ZFPM1: variants seen among roughly 807,000 people sequenced by gnomAD.
ZFPM1 encodes the protein zinc finger protein ZFPM1.
ZFPM1 carries 28 observed loss-of-function variants against 46.3 expected under a neutral mutation model. The ratio of observed to expected loss-of-function variants is 0.60; its 90% CI spans 0.45 to 0.83. The LOEUF is 0.83. ZFPM1 is among the 40% of genes least tolerant of loss of function. The probability of loss-of-function intolerance (pLI) is 0.00; values close to 1 mark genes in which losing one functional copy is unlikely to be tolerated. For synonymous variants in ZFPM1, 957 were observed against 675.9 expected (o/e 1.42, Z -6.45); for missense variants, 1,878 against 1,432.4 (o/e 1.31, Z -5.02).
intron 1 of ZFPM1, among the ~76,000 whole-genome samples, chr16:88,483,652 G>C (rs925824350): frequency 3.3e-5 from 5 of 152,202 alleles, no homozygotes; most frequent in Non-Finnish European, 7.3e-5. Flanking sequence ...TTCTCTGACT[G>C]TCCCCACAGT....
intron 3 of ZFPM1, among the ~76,000 whole-genome samples, chr16:88,509,059 C>T (rs1206563827): frequency 3.9e-5 from 6 of 152,314 alleles, no homozygotes; most frequent in Non-Finnish European, 8.8e-5. Context: ...GCTCGCCCCT[C>T]TGGCCTCGGT....
At chr16:88,529,098 A>G (rs926143197) in intron 6 of ZFPM1, among the ~76,000 whole-genome samples, 9 of 152,264 alleles carry the variant, frequency 5.9e-5, no homozygotes, top group Non-Finnish European at 1.3e-4. Context: ...TGGGCAACAC[A>G]GAAGATCCCA....
At chr16:88,482,623 G>A (rs952190730) in intron 1 of ZFPM1, among the ~76,000 whole-genome samples, 1 of 152,158 alleles carries the variant, frequency 6.6e-6, no homozygotes, top group African/African-American at 2.4e-5. Flanking sequence ...GGTATGCACA[G>A]GGCTGTGTCT....
At chr16:88,473,692 G>A (rs967070079) in intron 1 of ZFPM1, among the ~76,000 whole-genome samples, 6 of 152,130 alleles carry the variant, frequency 3.9e-5, no homozygotes, top group Admixed American at 6.5e-5. Context: ...GGGGAGGGGG[G>A]TCGCTCCCCA....
intron 1 of ZFPM1, among the ~76,000 whole-genome samples, chr16:88,478,529 C>T (rs915580905): frequency 1.3e-5 from 2 of 152,396 alleles, no homozygotes; most frequent in African/African-American, 4.8e-5. Flanking sequence ...TCACGGTTGC[C>T]CGTCCTGCCT....
At chr16:88,512,746 C>T (rs1365957543) in intron 3 of ZFPM1, among the ~76,000 whole-genome samples, 1 of 152,196 alleles carries the variant, frequency 6.6e-6, no homozygotes, top group African/African-American at 2.4e-5. Context: ...GACAGATGAG[C>T]ACACACCAGG....
intron 4 of ZFPM1, among the ~76,000 whole-genome samples, chr16:88,521,069 G>A (rs1911844143): frequency 1.8e-5 from 2 of 108,334 alleles, no homozygotes; most frequent in African/African-American, 5.4e-5. Flanking sequence ...GAGGGTGGGT[G>A]GGTGGATGGA....
In ZFPM1 at chr16:88,501,529, A is replaced by G. The variant is rs867406157; in HGVS notation, c.268+12376A>G. ...GCTGGTGATGATAGAGATAGCAGAC[A>G]TGGGTGCGTGGGCCATCCCGCAGGT... On this transcript the variant is annotated intron_variant, in intron 3 of 9. Coordinates refer to ENST00000319555, the MANE Select transcript of ZFPM1 (RefSeq NM_153813.3). 1.5e-4 allele frequency among the ~76,000 whole-genome samples: 18 copies of G among 120,970 alleles called. 1 individual carries two copies. Among genetic ancestry groups the G allele is most frequent in the African/African-American group, 3.3e-4 (10 of 30,622 alleles). 79.4% of individuals were successfully genotyped at this position (120,970 alleles called of 152,430 possible).
At chr16:88,529,920 C>T (rs1912650997) in intron 6 of ZFPM1, among the ~76,000 whole-genome samples, 1 of 152,102 alleles carries the variant, frequency 6.6e-6, no homozygotes. Flanking sequence ...CTGGAGAGAA[C>T]GGGCCGAGCG....
chr16:88,518,948 T>A (rs1462779579), intron 4 of ZFPM1, among the ~76,000 whole-genome samples: 1 of 144,192 alleles, frequency 6.9e-6, no homozygotes, highest in Non-Finnish European at 1.5e-5. Flanking sequence ...GGTAGCTAGC[T>A]GGTGGATAAG....
intron 2 of ZFPM1, among the ~76,000 whole-genome samples, chr16:88,486,500 C>CGCTGGGTGCAAGTGGGT (rs1909231237): frequency 7.0e-6 from 1 of 143,396 alleles, no homozygotes; most frequent in Non-Finnish European, 1.5e-5. Flanking sequence ...AGTGGATGAC[C>CGCTGGGTGCAAGTGGGT]GCTGGGTGCA....
chr16:88,488,769 T>C (rs1324438770), intron 2 of ZFPM1, among the ~76,000 whole-genome samples: 1 of 152,158 alleles, frequency 6.6e-6, no homozygotes, highest in Non-Finnish European at 1.5e-5. Context: ...CAGTTGGCCA[T>C]CCTGTACCCT....
intron 1 of ZFPM1, among the ~76,000 whole-genome samples, chr16:88,455,161 G>GTGTC (rs1907486225): frequency 6.6e-6 from 1 of 150,678 alleles, no homozygotes; most frequent in Non-Finnish European, 1.5e-5. Context: ...GTGTGTGTGT[G>GTGTC]TGTGTGTGTG....
In ZFPM1 at chr16:88,533,889, G is replaced by A. The variant is rs1913026082; in HGVS notation, c.1931G>A (p.Arg644His). ...APRSSPGPGA[R>H]EEGAGGAATP... Reference sequence around the variant, plus strand: ...CGCTCGTCCCCGGGCCCCGGAGCGCGCGAGGAGGGGGCTGGGGGCGCGGCC... The same window carrying A: ...CGCTCGTCCCCGGGCCCCGGAGCGCACGAGGAGGGGGCTGGGGGCGCGGCC... The change falls in exon 10 of 10, where the codon CGC (arginine) becomes CAC (histidine). Residue 644 changes from arginine to histidine, a missense_variant. Coordinates refer to ENST00000319555, the MANE Select transcript of ZFPM1 (RefSeq NM_153813.3). The A allele has an allele frequency of 9.8e-7, 1 of 1,024,952 alleles. No individual in the cohort carries two copies. Among genetic ancestry groups the A allele is most frequent in the Non-Finnish European group, 1.2e-6 (1 of 856,808 alleles). The allele number at this position is 1,024,952 out of a possible 1,614,324, so 63.5% of individuals were successfully genotyped here.
In ZFPM1 at chr16:88,533,919, C is replaced by A. The variant is rs931318194; in HGVS notation, c.1961C>A (p.Pro654His). 3.3e-6 allele frequency: 4 copies of A among 1,205,966 alleles called. No individual in the cohort carries two copies. Among genetic ancestry groups the A allele is most frequent in the African/African-American group, 3.4e-5 (2 of 58,738 alleles). The allele number at this position is 1,205,966 out of a possible 1,614,324, so 74.7% of individuals were successfully genotyped here. ...GAGGGGGCTGGGGGCGCGGCCACGC[C>A]CGAGGACGGCGCGGGCGGCCGGGGC... is the stretch of plus-strand genomic sequence containing the variant. ...REEGAGGAAT[P>H]EDGAGGRGSE... Residue 654 changes from proline to histidine, a missense_variant, in exon 10 of 10, where the codon CCC becomes CAC. Transcript: ENST00000319555.
chr16:88,514,479 A>C lies in ZFPM1; in HGVS notation c.361A>C (p.Ser121Arg). 6.4e-7 allele frequency: 1 copy of C among 1,564,544 alleles called. No individual in the cohort carries two copies. Residue 121 changes from serine to arginine, a missense_variant, in exon 4 of 10, where the codon AGT becomes CGT. Coordinates refer to ENST00000319555, the MANE Select transcript of ZFPM1 (RefSeq NM_153813.3). ...CCTGTCCTGGGGCCCGTTCCATGGGAGTGTCCAGACCAGAGCCTCATCCCC... is the reference window on the plus strand; with the variant it reads ...CCTGTCCTGGGGCCCGTTCCATGGGCGTGTCCAGACCAGAGCCTCATCCCC... ...TGLSWGPFHG[S>R]VQTRASSPRQ...
At chr16:88,517,234 GT>G (rs1911380043) in intron 4 of ZFPM1, among the ~76,000 whole-genome samples, 1 of 111,556 alleles carries the variant, frequency 9.0e-6, no homozygotes, top group Non-Finnish European at 1.7e-5. Flanking sequence ...GGATGGGTGG[GT>G]GGGTGGGTGG....
At chr16:88,454,029 A>G (rs1390690725) in intron 1 of ZFPM1, among the ~76,000 whole-genome samples, 1 of 152,090 alleles carries the variant, frequency 6.6e-6, no homozygotes, top group African/African-American at 2.4e-5. Flanking sequence ...GGGCTCAGAT[A>G]AAGTTTAAAA....
chr16:88,455,696 C>T (rs530594547), intron 1 of ZFPM1, among the ~76,000 whole-genome samples: 1 of 152,180 alleles, frequency 6.6e-6, no homozygotes, highest in South Asian at 2.1e-4. Context: ...TTGTTCCGTG[C>T]GGAGATAGAT....
Sources: gnomAD v4.1 joint callset for allele counts (sites outside exome capture counted in the v4.1 genomes callset) on GRCh38, gnomAD v4.1.1 for gene constraint, MANE v1.5 for transcripts, NCBI Gene and HGNC (gene_info 2026-07-23, HGNC 2026-07-21) for gene names.